FAM167A: variants seen among roughly 807,000 people sequenced by gnomAD.
FAM167A encodes family with sequence similarity 167 member A.
A neutral mutation model predicts 14.9 loss-of-function variants in FAM167A; 23 were observed. That is an observed-to-expected ratio of 1.55 (90% confidence interval 1.11 to 2.19). The LOEUF (loss-of-function observed/expected upper bound fraction) is 2.19, where lower values mean the gene tolerates loss of function less well. Ranked by LOEUF, FAM167A falls within the 30% of genes most tolerant of loss-of-function variation. FAM167A has a pLI of 0.00. For missense variants in FAM167A, 401 were observed against 281.5 expected (o/e 1.42, Z -3.04); for synonymous variants, 174 against 117.7 (o/e 1.48, Z -3.10).
upstream of FAM167A, among the ~76,000 whole-genome samples, chr8:11,472,559 G>A (rs1420908407): frequency 6.7e-6 from 1 of 150,210 alleles, no homozygotes; most frequent in Non-Finnish European, 1.5e-5. Context: ...TGCATGCACA[G>A]CATTTGAAGG....
chr8:11,445,502 A>C lies in FAM167A; in HGVS notation c.-397-694T>G, dbSNP rs2003423. The C allele has an allele frequency of 1.4e-5, 14 of 985,344 alleles. No homozygotes were observed. The African/African-American group carries it at 1.7e-4, about 12-fold the overall frequency. 61.0% of individuals were successfully genotyped at this position (985,344 alleles called of 1,614,324 possible). A position where few individuals can be genotyped will look rare whatever the true frequency, so the allele number is the denominator to read the frequency against. ...TGGCACCTGGGCTGGATGGCTAAAC[A>C]AGCAGGCTGTGACTCATTGTTCTAG... On this transcript the variant is annotated intron_variant, in intron 1 of 2. Coordinates refer to ENST00000284486, the MANE Select transcript of FAM167A (RefSeq NM_053279.3).
At chr8:11,443,503 C>G (rs868243223) in intron 2 of FAM167A, 2 of 156,562 alleles carry the variant, frequency 1.3e-5, no homozygotes, top group African/African-American at 2.7e-5. Context: ...CCTCACCACT[C>G]GAGCACATTC....
chr8:11,443,927 A>C, intron 2 of FAM167A, 104 bp downstream of exon 2: 1 of 1,381,516 alleles, frequency 7.2e-7, no homozygotes, highest in Non-Finnish European at 9.9e-7. Flanking sequence ...GAGGGGAAGA[A>C]ATACATGGTG....
chr8:11,447,341 C>A (rs954827204), intron 1 of FAM167A, among the ~76,000 whole-genome samples: 5 of 152,104 alleles, frequency 3.3e-5, no homozygotes, highest in African/African-American at 1.2e-4. Flanking sequence ...GCCACCATAC[C>A]CAGCTAATTT....
In FAM167A at chr8:11,424,438, T is replaced by G. The variant is rs1405427841; in HGVS notation, c.580A>C (p.Thr194Pro). The G allele has an allele frequency of 1.2e-6, 2 of 1,613,356 alleles. No individual in the cohort carries two copies. Among genetic ancestry groups the G allele is most frequent in the Non-Finnish European group, 1.7e-6 (2 of 1,179,862 alleles). ...GTCACGCCAATAAGCTTGAGTGGTG[T>G]GGAGAGGCTGAAGGAGGAGGCAAGA... ...SPLASSFSLSTPLKLIGVTKM... is the reference protein window; with the variant it reads ...SPLASSFSLSPPLKLIGVTKM... Residue 194 changes from threonine (T) to proline (P), a missense_variant, in exon 3 of 3, where the codon ACA becomes CCA. Transcript: ENST00000284486.
chr8:11,460,847 A>C (rs985979360), intron 1 of FAM167A, among the ~76,000 whole-genome samples: 1 of 152,068 alleles, frequency 6.6e-6, no homozygotes, highest in Non-Finnish European at 1.5e-5. Context: ...GAAACAGGGA[A>C]ACCTTGCTTG....
At position 11,424,245 on chromosome 8, in the gene FAM167A, C is replaced by G; in HGVS notation, c.*128G>C. 7.8e-7 allele frequency: 1 copy of G among 1,282,972 alleles called. No homozygotes were observed. The highest frequency in any genetic ancestry group is 1.1e-6 in the Non-Finnish European group (1 of 932,472). The allele number at this position is 1,282,972 out of a possible 1,614,324, so 79.5% of individuals were successfully genotyped here. Reference sequence around the variant, plus strand: ...GCACCACTGAATAGGTCCTGGGGCCCTTGAGTCGCCAGTCCCAGGGACCCC... The same window carrying G: ...GCACCACTGAATAGGTCCTGGGGCCGTTGAGTCGCCAGTCCCAGGGACCCC... On this transcript the variant is annotated 3_prime_UTR_variant, in exon 3 of 3. Transcript: ENST00000284486.
intron 1 of FAM167A, among the ~76,000 whole-genome samples, chr8:11,447,604 C>T (rs2117102065): frequency 6.6e-6 from 1 of 152,362 alleles, no homozygotes; most frequent in South Asian, 2.1e-4. Context: ...CACCCCATTT[C>T]ACCAAGGAGA....
At chr8:11,443,209 G>A (rs533758466) in intron 2 of FAM167A, among the ~76,000 whole-genome samples, 227 of 152,300 alleles carry the variant, frequency 1.5e-3, no homozygotes, top group African/African-American at 5.2e-3. Context: ...TGCCAGACAC[G>A]GGTGATTCTC....
chr8:11,439,405 G>C (rs964695693), intron 2 of FAM167A, among the ~76,000 whole-genome samples: 1 of 152,240 alleles, frequency 6.6e-6, no homozygotes, highest in Non-Finnish European at 1.5e-5. Context: ...TGACATACCA[G>C]AGTCTTGTGC....
intron 2 of FAM167A, among the ~76,000 whole-genome samples, chr8:11,442,759 T>G (rs1457464668): frequency 1.3e-5 from 2 of 151,678 alleles, no homozygotes; most frequent in African/African-American, 4.8e-5. Context: ...CGCAGGTGCC[T>G]CATCTTCTCC....
intron 2 of FAM167A, among the ~76,000 whole-genome samples, chr8:11,430,596 CAATTA>C (rs1226118048): frequency 6.6e-6 from 1 of 151,896 alleles, no homozygotes; most frequent in Non-Finnish European, 1.5e-5. Context: ...TTTTAAACAC[CAATTA>C]AAGAAAGAGA....
At chr8:11,435,094 C>G in intron 2 of FAM167A, 1 of 456,818 alleles carries the variant, frequency 2.2e-6, no homozygotes, top group South Asian at 1.5e-5. Context: ...TTCTTCAAAT[C>G]TTTCAAAGGT....
chr8:11,444,005 G>A, intron 2 of FAM167A, 26 bp downstream of exon 2: 1 of 1,590,598 alleles, frequency 6.3e-7, no homozygotes, highest in Non-Finnish European at 8.6e-7. Flanking sequence ...CCTCTTTTCT[G>A]GGGATTCTTG....
intron 2 of FAM167A, chr8:11,438,672 T>C (rs551217453): frequency 5.2e-6 from 2 of 382,264 alleles, no homozygotes; most frequent in African/African-American, 4.2e-5. Flanking sequence ...CCTTTCCTGG[T>C]TCTTTTGTTT....
chr8:11,439,491 A>C (rs1044805604), intron 2 of FAM167A, among the ~76,000 whole-genome samples: 5 of 152,272 alleles, frequency 3.3e-5, no homozygotes, highest in African/African-American at 1.2e-4. Context: ...CTGTGGCCAC[A>C]GTGGGGCCAG....
chr8:11,463,493 G>C (rs964114375), intron 1 of FAM167A, among the ~76,000 whole-genome samples: 1 of 152,224 alleles, frequency 6.6e-6, no homozygotes, highest in African/African-American at 2.4e-5. Context: ...AGGCTCCGCT[G>C]GCTTCCTGGA....
intron 1 of FAM167A, among the ~76,000 whole-genome samples, chr8:11,447,084 G>C (rs954033950): frequency 6.6e-6 from 1 of 152,212 alleles, no homozygotes; most frequent in African/African-American, 2.4e-5. Flanking sequence ...CATCCCACTG[G>C]GCTACCACTG....
chr8:11,465,743 C>T (rs1807737100), intron 1 of FAM167A, among the ~76,000 whole-genome samples: 1 of 152,188 alleles, frequency 6.6e-6, no homozygotes, highest in South Asian at 2.1e-4. Flanking sequence ...GGAGCATGTG[C>T]CCCTTGGTGA....
Sources: allele counts gnomAD v4.1 joint callset (sites outside exome capture counted in the v4.1 genomes callset), GRCh38; gene constraint gnomAD v4.1.1; transcripts MANE v1.5; gene names NCBI Gene and HGNC (gene_info 2026-07-23, HGNC 2026-07-21).